Variants in SDK1 observed in about 807,000 individuals in gnomAD.
SDK1 encodes sidekick cell adhesion molecule 1, also known as protein sidekick-1.
SDK1 carries 157 observed loss-of-function variants against 245.5 expected under a neutral mutation model. The ratio of observed to expected loss-of-function variants is 0.64; its 90% CI spans 0.56 to 0.73. The LOEUF is 0.73. Among genes scored for constraint, SDK1 ranks in the 30% least tolerant of loss-of-function variants. SDK1 has a pLI of 0.00. For synonymous variants in SDK1, 1,647 were observed against 1,278.5 expected (o/e 1.29, Z -6.15); for missense variants, 3,583 against 3,002.3 (o/e 1.19, Z -4.52).
intron 1 of SDK1, among the ~76,000 whole-genome samples, chr7:3,614,439 C>T (rs1355276008): frequency 2.0e-5 from 3 of 152,136 alleles, no homozygotes; most frequent in Non-Finnish European, 4.4e-5. Flanking sequence ...ATATGTGGGC[C>T]ATTGGCTTTT....
intron 5 of SDK1, among the ~76,000 whole-genome samples, chr7:3,832,869 G>A (rs1181948269): frequency 1.3e-5 from 2 of 152,036 alleles, no homozygotes; most frequent in Non-Finnish European, 2.9e-5. Context: ...ATACCTCTAT[G>A]TTTGGCTGAG....
At chr7:4,118,792 A>T (rs897238186) in intron 25 of SDK1, among the ~76,000 whole-genome samples, 1 of 149,130 alleles carries the variant, frequency 6.7e-6, no homozygotes, top group African/African-American at 2.4e-5. Flanking sequence ...GTGAACCTTG[A>T]AAACATTAGG....
intron 10 of SDK1, among the ~76,000 whole-genome samples, chr7:3,967,859 C>A (rs902783242): frequency 2.6e-5 from 4 of 152,258 alleles, no homozygotes; most frequent in Admixed American, 2.0e-4. Context: ...AACAGGTCTG[C>A]AGCCCAGGGC....
At chr7:3,984,146 G>A (rs540937413) in intron 13 of SDK1, among the ~76,000 whole-genome samples, 14 of 152,252 alleles carry the variant, frequency 9.2e-5, no homozygotes, top group East Asian at 7.7e-4. Flanking sequence ...GCTGGCAGGG[G>A]GAAAATCTGA....
At chr7:3,690,119 C>T (rs781474241) in intron 4 of SDK1, among the ~76,000 whole-genome samples, 21 of 152,150 alleles carry the variant, frequency 1.4e-4, no homozygotes, top group Non-Finnish European at 2.5e-4. Context: ...CAGAACAGAT[C>T]GAACCTTTTG....
At chr7:3,904,061 C>T (rs1005765850) in intron 5 of SDK1, among the ~76,000 whole-genome samples, 3 of 152,180 alleles carry the variant, frequency 2.0e-5, no homozygotes, top group Non-Finnish European at 2.9e-5. Context: ...GAGCCAACTA[C>T]ACCTCTTTTC....
intron 5 of SDK1, among the ~76,000 whole-genome samples, chr7:3,945,963 TAAAA>T (rs1780561761): frequency 1.3e-5 from 1 of 77,728 alleles, no homozygotes; most frequent in Admixed American, 1.4e-4. Flanking sequence ...TTTCCAAAAT[TAAAA>T]AAAGGAAAAT....
At chr7:3,846,424 A>G (rs1388744647) in intron 5 of SDK1, among the ~76,000 whole-genome samples, 1 of 152,172 alleles carries the variant, frequency 6.6e-6, no homozygotes, top group Non-Finnish European at 1.5e-5. Context: ...TTATCTACTG[A>G]TAGGTCATTT....
chr7:3,354,762 T>G (rs1034542538), intron 1 of SDK1, among the ~76,000 whole-genome samples: 1 of 152,248 alleles, frequency 6.6e-6, no homozygotes, highest in Non-Finnish European at 1.5e-5. Context: ...AAATACATCC[T>G]GACGGATAAG....
chr7:3,319,255 C>T (rs991124725), intron 1 of SDK1, among the ~76,000 whole-genome samples: 14 of 152,084 alleles, frequency 9.2e-5, no homozygotes, highest in Admixed American at 8.5e-4. Context: ...CTGTGGGAAG[C>T]CCCCACCCTT....
chr7:4,261,951 T>C (rs1449967824), intron 44 of SDK1, among the ~76,000 whole-genome samples: 2 of 144,312 alleles, frequency 1.4e-5, no homozygotes, highest in African/African-American at 5.1e-5. Context: ...GTGGCACTTA[T>C]CAGCAAAACC....
At chr7:3,746,056 G>T (rs1340702829) in intron 4 of SDK1, among the ~76,000 whole-genome samples, 1 of 152,104 alleles carries the variant, frequency 6.6e-6, no homozygotes. Context: ...GAGTTGAGAG[G>T]ATTAAAGAAT....
intron 43 of SDK1, among the ~76,000 whole-genome samples, chr7:4,244,156 G>A (rs572436148): frequency 1.0e-3 from 156 of 152,252 alleles, no homozygotes; most frequent in African/African-American, 3.6e-3. Context: ...AGCCTTCCCA[G>A]CAGAGTCTCC....
intron 1 of SDK1, among the ~76,000 whole-genome samples, chr7:3,382,034 G>T (rs1421369817): frequency 6.6e-6 from 1 of 152,168 alleles, no homozygotes; most frequent in African/African-American, 2.4e-5. Flanking sequence ...CTCTGTCTCA[G>T]TCAAAAAGCT....
chr7:3,655,581 C>T (rs188854975), intron 4 of SDK1, among the ~76,000 whole-genome samples: 1 of 147,036 alleles, frequency 6.8e-6, no homozygotes, highest in Non-Finnish European at 1.5e-5. Context: ...ATCCCTCTTA[C>T]ATACACTTGC....
chr7:4,065,520 G>A (rs549058079), intron 19 of SDK1, among the ~76,000 whole-genome samples: 1 of 152,220 alleles, frequency 6.6e-6, no homozygotes, highest in African/African-American at 2.4e-5. Flanking sequence ...GAACAAGTCA[G>A]TGCAAAAATC....
chr7:3,870,353 A>C (rs1209847470), intron 5 of SDK1, among the ~76,000 whole-genome samples: 1 of 152,176 alleles, frequency 6.6e-6, no homozygotes, highest in Non-Finnish European at 1.5e-5. Flanking sequence ...GTCAATTTCC[A>C]GGGGAAGATG....
chr7:3,798,468 T>A (rs778827684), intron 4 of SDK1, among the ~76,000 whole-genome samples: 1 of 152,070 alleles, frequency 6.6e-6, no homozygotes, highest in Admixed American at 6.6e-5. Flanking sequence ...CCACCCACCT[T>A]GGCCTCCCAA....
At chr7:3,812,588 G>A (rs771161277) in intron 4 of SDK1, among the ~76,000 whole-genome samples, 6 of 152,200 alleles carry the variant, frequency 3.9e-5, no homozygotes, top group Admixed American at 6.5e-5. Context: ...GGATGCCCGC[G>A]TAGACTAACT....
Sources: gnomAD v4.1 joint callset for allele counts (sites outside exome capture counted in the v4.1 genomes callset) on GRCh38, gnomAD v4.1.1 for gene constraint, MANE v1.5 for transcripts, NCBI Gene and HGNC (gene_info 2026-07-23, HGNC 2026-07-21) for gene names.